ZNF254: variants seen among roughly 807,000 people sequenced by gnomAD.
The protein encoded by ZNF254 is zinc finger protein 254, also known as CTD-2017D11.1.
A neutral mutation model predicts 12.4 loss-of-function variants in ZNF254; 10 were observed. The ratio of observed to expected loss-of-function variants is 0.80; its 90% CI spans 0.50 to 1.36. The LOEUF is 1.36. Among genes scored for constraint, ZNF254 ranks in the 40% most tolerant of loss-of-function variants. The probability of loss-of-function intolerance (pLI) is 0.00; values close to 1 mark genes in which losing one functional copy is unlikely to be tolerated. For missense variants in ZNF254, 996 were observed against 763.9 expected (o/e 1.30, Z -3.58); for synonymous variants, 305 against 253.4 (o/e 1.20, Z -1.93).
chr19:24,081,331 T>A (rs1971837927), intron 2 of ZNF254, among the ~76,000 whole-genome samples: 1 of 152,164 alleles, frequency 6.6e-6, no homozygotes, highest in African/African-American at 2.4e-5. Context: ...ATAAACTGGC[T>A]TTAGAACAAC....
intron 3 of ZNF254, among the ~76,000 whole-genome samples, chr19:24,118,912 C>T (rs1313300172): frequency 2.0e-5 from 3 of 151,890 alleles, no homozygotes; most frequent in African/African-American, 7.3e-5. Context: ...AAGTTTGAGA[C>T]CAGCCTGACC....
intron 3 of ZNF254, among the ~76,000 whole-genome samples, chr19:24,119,947 G>T (rs1974366378): frequency 6.6e-6 from 1 of 151,440 alleles, no homozygotes. Context: ...ATTTTGTTTT[G>T]CATACTTTCT....
chr19:24,127,894 T>C lies in ZNF254; in HGVS notation c.1894T>C (p.Trp632Arg). The C allele has an allele frequency of 6.2e-7, 1 of 1,612,244 alleles. No homozygotes were observed. The highest frequency in any genetic ancestry group is 1.1e-5 in the South Asian group (1 of 90,940). Residue 632 changes from tryptophan to arginine, a missense_variant, in exon 4 of 4, where the codon TGG becomes CGG. Coordinates refer to ENST00000357002, the MANE Select transcript of ZNF254 (RefSeq NM_203282.4). ...RIHTGEQPYK[W>R]EKFGKAFNRS... Reference sequence around the variant, plus strand: ...TCATACTGGAGAGCAACCCTACAAATGGGAAAAATTTGGCAAAGCCTTTAA... The same window carrying C: ...TCATACTGGAGAGCAACCCTACAAACGGGAAAAATTTGGCAAAGCCTTTAA...
At chr19:24,076,946 T>G (rs545624468) in intron 2 of ZNF254, among the ~76,000 whole-genome samples, 79 of 152,272 alleles carry the variant, frequency 5.2e-4, no homozygotes, top group Non-Finnish European at 1.0e-4. Flanking sequence ...GATAAAAAGC[T>G]ACATACCTAC....
At chr19:24,085,810 T>A (rs1315800529), upstream of ZNF254, among the ~76,000 whole-genome samples, 1 of 151,988 alleles carries the variant, frequency 6.6e-6, no homozygotes, top group Admixed American at 6.6e-5. Context: ...CAAAATATGC[T>A]TTTGATGAAG....
rs906638025 is a variant in ZNF254 at position 24,126,548 on chromosome 19, A to G, written c.548A>G (p.Lys183Arg). 1.2e-6 allele frequency: 2 copies of G among 1,602,902 alleles called. No homozygotes were observed. The highest frequency in any genetic ancestry group is 1.8e-5 in the Admixed American group (1 of 57,094). ...KIRHTEKKSF[K>R]CKKRVKLFCM... ...AGACATACTGAAAAGAAATCTTTCA[A>G]ATGTAAAAAACGTGTCAAATTATTT... is the stretch of plus-strand genomic sequence containing the variant. The change falls in exon 4 of 4, where the codon AAA becomes AGA. Residue 183 changes from lysine (K) to arginine (R), a missense_variant. Coordinates refer to ENST00000357002, the MANE Select transcript of ZNF254 (RefSeq NM_203282.4).
chr19:24,089,572 T>C (rs1972243984), intron 1 of ZNF254, among the ~76,000 whole-genome samples: 1 of 152,184 alleles, frequency 6.6e-6, no homozygotes. Context: ...ACCATGGCTA[T>C]GTCTGCTTAG....
At chr19:24,048,003 C>CT (rs398034320) in intron 2 of ZNF254, among the ~76,000 whole-genome samples, 23,901 of 68,702 alleles carry the variant, frequency 0.35, 4,924 homozygotes, top group Non-Finnish European at 0.39. Context: ...TTCTTTTCTT[C>CT]TTTTTTTTTT....
upstream of ZNF254, chr19:24,087,157 TG>T: frequency 2.0e-6 from 2 of 979,496 alleles, no homozygotes; most frequent in Non-Finnish European, 3.2e-6. Context: ...ACAGCTGGAC[TG>T]GACAAAGCGG....
chr19:24,118,169 T>G (rs1431605330), intron 3 of ZNF254, among the ~76,000 whole-genome samples: 2 of 151,776 alleles, frequency 1.3e-5, no homozygotes, highest in Non-Finnish European at 2.9e-5. Flanking sequence ...TTCTCCTGTC[T>G]CAGCCTCCTT....
At chr19:24,048,328 G>C (rs1205668726) in intron 2 of ZNF254, among the ~76,000 whole-genome samples, 1 of 152,218 alleles carries the variant, frequency 6.6e-6, no homozygotes, top group Non-Finnish European at 1.5e-5. Flanking sequence ...GCTTCAGGCC[G>C]CAAGCGCCAC....
chr19:24,083,294 A>G (rs1303075473), upstream of ZNF254, among the ~76,000 whole-genome samples: 1 of 152,182 alleles, frequency 6.6e-6, no homozygotes, highest in African/African-American at 2.4e-5. Context: ...AAACTGTAAA[A>G]TATGTCTGAA....
chr19:24,117,309 G>GAGGC (rs1380788611), intron 3 of ZNF254, among the ~76,000 whole-genome samples: 2 of 152,182 alleles, frequency 1.3e-5, no homozygotes, highest in African/African-American at 4.8e-5. Flanking sequence ...GGAGCCTACA[G>GAGGC]AGGCAGGCAG....
At chr19:24,114,232 C>T (rs370666299) in intron 3 of ZNF254, among the ~76,000 whole-genome samples, 69 of 152,096 alleles carry the variant, frequency 4.5e-4, no homozygotes, top group African/African-American at 1.5e-3. Context: ...CACTCCTAAG[C>T]CAAAAGAACA....
At chr19:24,107,411 T>C (rs1599724841) in intron 3 of ZNF254, 3 of 400,740 alleles carry the variant, frequency 7.5e-6, no homozygotes, top group Non-Finnish European at 1.3e-5. Context: ...ATTTATGAGC[T>C]CCTTGTTTAA....
chr19:24,072,397 C>G (rs1307893418), intron 2 of ZNF254, among the ~76,000 whole-genome samples: 2 of 152,156 alleles, frequency 1.3e-5, no homozygotes, highest in African/African-American at 4.8e-5. Flanking sequence ...GTCTCGAACT[C>G]CTGACCTCAA....
intron 2 of ZNF254, among the ~76,000 whole-genome samples, chr19:24,072,574 GGCC>G (rs1971521719): frequency 6.6e-6 from 1 of 152,182 alleles, no homozygotes; most frequent in South Asian, 2.1e-4. Flanking sequence ...GCCCACAAGA[GGCC>G]TTGTGACACA....
At position 24,127,424 on chromosome 19, in the gene ZNF254, C is replaced by T. The variant is rs1974956175; in HGVS notation, c.1424C>T (p.Ser475Leu). The T allele has an allele frequency of 6.2e-7, 1 of 1,612,614 alleles. No individual in the cohort carries two copies. The highest frequency in any genetic ancestry group is 8.5e-7 in the Non-Finnish European group (1 of 1,178,910). ...EECGKAFIWS[S>L]TLTRHKRMHT... The stretch of plus-strand genomic sequence containing the variant: ...TGTGGCAAGGCATTTATATGGTCCT[C>T]AACCCTAACTAGACATAAGAGGATG... Residue 475 changes from serine (S) to leucine (L), a missense_variant, in exon 4 of 4, where the codon TCA becomes TTA. Transcript: ENST00000357002.
At position 24,129,453 on chromosome 19, in the gene ZNF254, T is replaced by G. The variant is rs1438633780; in HGVS notation, c.*1473T>G. ...TACACTATTTGGTAAGATAATGTAC[T>G]GACATCTCTAGCAATCTTTTTTGCC... On this transcript the variant is annotated 3_prime_UTR_variant, in exon 4 of 4. Coordinates refer to ENST00000357002, the MANE Select transcript of ZNF254 (RefSeq NM_203282.4). 2 of 152,098 alleles carry G rather than the reference T, an allele frequency of 1.3e-5. No individual in the cohort carries two copies. The highest frequency in any genetic ancestry group is 3.8e-4 in the East Asian group (2 of 5,200). 9.4% of individuals were successfully genotyped at this position (152,098 alleles called of 1,614,324 possible).
Sources: allele counts gnomAD v4.1 joint callset (sites outside exome capture counted in the v4.1 genomes callset), GRCh38; gene constraint gnomAD v4.1.1; transcripts MANE v1.5; gene names NCBI Gene and HGNC (gene_info 2026-07-23, HGNC 2026-07-21).